Variants in MCC observed in about 807,000 individuals in gnomAD.
MCC encodes the protein MCC regulator of Wnt signaling pathway.
MCC carries 90 observed loss-of-function variants against 116.2 expected under a neutral mutation model. The ratio of observed to expected loss-of-function variants is 0.77; its 90% CI spans 0.65 to 0.92. The LOEUF (loss-of-function observed/expected upper bound fraction) is 0.92, where lower values mean the gene tolerates loss of function less well. Among genes scored for constraint, MCC ranks in the 40% least tolerant of loss-of-function variants. The pLI, the probability that MCC is intolerant of heterozygous loss-of-function variation, is 0.00. For missense variants in MCC, 1,516 were observed against 1,312.2 expected (o/e 1.16, Z -2.40); for synonymous variants, 578 against 510.5 (o/e 1.13, Z -1.78).
At chr5:113,417,590 C>T (rs1770191185) in intron 1 of MCC, among the ~76,000 whole-genome samples, 2 of 152,190 alleles carry the variant, frequency 1.3e-5, no homozygotes, top group African/African-American at 4.8e-5. Flanking sequence ...AAGCCAATGA[C>T]ATTAAAGTGC....
intron 1 of MCC, among the ~76,000 whole-genome samples, chr5:113,482,066 T>C (rs1489871950): frequency 6.6e-6 from 1 of 152,244 alleles, no homozygotes; most frequent in East Asian, 1.9e-4. Flanking sequence ...GTTTTCAAGG[T>C]TCATCCTTGT....
chr5:113,260,551 A>G (rs1441531850), intron 3 of MCC, among the ~76,000 whole-genome samples: 1 of 152,156 alleles, frequency 6.6e-6, no homozygotes, highest in Non-Finnish European at 1.5e-5. Context: ...TACTTTCCCC[A>G]AATTGAACAA....
At chr5:113,156,802 C>T (rs544337855) in intron 3 of MCC, among the ~76,000 whole-genome samples, 69 of 152,262 alleles carry the variant, frequency 4.5e-4, no homozygotes, top group African/African-American at 1.5e-3. Flanking sequence ...TGTATCCAAA[C>T]GAAACTAAAC....
chr5:113,198,370 G>A (rs1762517982), intron 3 of MCC, among the ~76,000 whole-genome samples: 1 of 152,074 alleles, frequency 6.6e-6, no homozygotes, highest in Admixed American at 6.6e-5. Context: ...AGAGAAGGCA[G>A]GAACTAAATA....
chr5:113,409,005 C>T (rs929837984), intron 1 of MCC, among the ~76,000 whole-genome samples: 3 of 152,148 alleles, frequency 2.0e-5, no homozygotes, highest in Non-Finnish European at 2.9e-5. Flanking sequence ...CAGCTTAGGA[C>T]GTGGATCAAT....
chr5:113,239,777 G>A (rs1212371480), intron 3 of MCC, among the ~76,000 whole-genome samples: 1 of 152,144 alleles, frequency 6.6e-6, no homozygotes, highest in Non-Finnish European at 1.5e-5. Flanking sequence ...TTTCTCATTT[G>A]TCAGATTTCC....
chr5:113,219,065 CTG>C (rs1561465403), intron 3 of MCC, among the ~76,000 whole-genome samples: 2 of 152,140 alleles, frequency 1.3e-5, no homozygotes, highest in African/African-American at 4.8e-5. Context: ...AGGTTTCAAA[CTG>C]TCCTCTGGCT....
chr5:113,370,562 G>A (rs1039833684), intron 2 of MCC, among the ~76,000 whole-genome samples: 1 of 152,140 alleles, frequency 6.6e-6, no homozygotes, highest in Admixed American at 6.5e-5. Flanking sequence ...GGCTCAGAAA[G>A]AAGCCATCTC....
At chr5:113,375,379 T>C (rs7708947) in intron 2 of MCC, among the ~76,000 whole-genome samples, 4,903 of 152,306 alleles carry the variant, frequency 0.032, 124 homozygotes, top group African/African-American at 0.068. Flanking sequence ...TGTTTTGTCT[T>C]GATTCACAAT....
intron 17 of MCC, among the ~76,000 whole-genome samples, chr5:113,039,785 G>A (rs547244533): frequency 4.8e-5 from 7 of 146,114 alleles, no homozygotes; most frequent in Admixed American, 1.4e-4. Flanking sequence ...AGAATATGAC[G>A]GAGATGAACT....
chr5:113,180,911 C>T (rs1761595388), intron 3 of MCC, among the ~76,000 whole-genome samples: 1 of 152,140 alleles, frequency 6.6e-6, no homozygotes, highest in Admixed American at 6.5e-5. Context: ...CTCCATTCAG[C>T]ACCCTACTTT....
At chr5:113,472,977 T>G (rs1435129798) in intron 1 of MCC, among the ~76,000 whole-genome samples, 1 of 152,204 alleles carries the variant, frequency 6.6e-6, no homozygotes, top group Non-Finnish European at 1.5e-5. Flanking sequence ...TGATGTCAGG[T>G]AGTGTGAGAG....
chr5:113,368,020 G>A (rs1768745332), intron 2 of MCC, among the ~76,000 whole-genome samples: 1 of 152,122 alleles, frequency 6.6e-6, no homozygotes, highest in Non-Finnish European at 1.5e-5. Context: ...GCTCTAGTAG[G>A]GGTAAGCTGA....
chr5:113,077,015 T>C (rs566805717), intron 11 of MCC, among the ~76,000 whole-genome samples: 1 of 152,210 alleles, frequency 6.6e-6, no homozygotes, highest in South Asian at 2.1e-4. Context: ...TCCTAGTCTC[T>C]GATAAAACAG....
chr5:113,043,389 C>A (rs1751854654), intron 17 of MCC, 141 bp downstream of exon 17: 2 of 742,456 alleles, frequency 2.7e-6, no homozygotes, highest in Non-Finnish European at 2.3e-6. Context: ...CACCAACAGG[C>A]CTTCTCCATT....
intron 1 of MCC, among the ~76,000 whole-genome samples, chr5:113,450,231 C>A (rs1481584370): frequency 2.0e-5 from 3 of 152,072 alleles, no homozygotes; most frequent in African/African-American, 4.8e-5. Flanking sequence ...TTAAATGTTA[C>A]CTTATTAGCA....
chr5:113,202,041 C>T (rs1762704490), intron 3 of MCC, among the ~76,000 whole-genome samples: 2 of 152,162 alleles, frequency 1.3e-5, no homozygotes, highest in African/African-American at 4.8e-5. Flanking sequence ...CAACAGCAAG[C>T]TTTCCTTTAC....
At chr5:113,124,029 G>C (rs1385898687) in intron 5 of MCC, among the ~76,000 whole-genome samples, 1 of 152,160 alleles carries the variant, frequency 6.6e-6, no homozygotes, top group African/African-American at 2.4e-5. Context: ...CAGAAATCTT[G>C]GTTCTCTTAA....
intron 3 of MCC, among the ~76,000 whole-genome samples, chr5:113,187,670 G>A (rs540218137): frequency 6.6e-6 from 1 of 151,502 alleles, no homozygotes; most frequent in Non-Finnish European, 1.5e-5. Context: ...CGAGAGAATG[G>A]CGTGAACCCA....
Sources: gnomAD v4.1 joint callset for allele counts (sites outside exome capture counted in the v4.1 genomes callset) on GRCh38, gnomAD v4.1.1 for gene constraint, MANE v1.5 for transcripts, NCBI Gene and HGNC (gene_info 2026-07-23, HGNC 2026-07-21) for gene names.